Variants in PRKAA2 observed in about 807,000 individuals in gnomAD.
PRKAA2 encodes protein kinase AMP-activated catalytic subunit alpha 2, also known as 5'-AMP-activated protein kinase catalytic subunit alpha-2.
PRKAA2 carries 40 observed loss-of-function variants against 56.3 expected under a neutral mutation model. The ratio of observed to expected loss-of-function variants is 0.71; its 90% CI spans 0.55 to 0.92. The LOEUF is 0.92. PRKAA2 is among the 40% of genes least tolerant of loss of function. PRKAA2 has a pLI of 0.00. For missense variants in PRKAA2, 542 were observed against 686.9 expected (o/e 0.79, Z 2.36); for synonymous variants, 214 against 234.2 (o/e 0.91, Z 0.79).
At chr1:56,682,514 AGGAGT>A (rs1644162325) in intron 2 of PRKAA2, among the ~76,000 whole-genome samples, 1 of 152,206 alleles carries the variant, frequency 6.6e-6, no homozygotes, top group Non-Finnish European at 1.5e-5. Context: ...ATGTACTCTC[AGGAGT>A]GGAGTGAGGA....
intron 2 of PRKAA2, among the ~76,000 whole-genome samples, chr1:56,681,535 A>G (rs982765175): frequency 1.3e-5 from 2 of 152,182 alleles, no homozygotes; most frequent in African/African-American, 4.8e-5. Context: ...ATTTTTGTAT[A>G]AGGTGTAAGG....
chr1:56,680,244 T>C (rs1432375436), intron 2 of PRKAA2, among the ~76,000 whole-genome samples: 1 of 152,174 alleles, frequency 6.6e-6, no homozygotes, highest in East Asian at 1.9e-4. Flanking sequence ...AAGCACTCAA[T>C]GTTCACCTTT....
At chr1:56,696,889 T>C (rs1028147993) in intron 6 of PRKAA2, among the ~76,000 whole-genome samples, 7 of 152,116 alleles carry the variant, frequency 4.6e-5, no homozygotes, top group African/African-American at 1.7e-4. Context: ...CTATGACTTA[T>C]CAAGGCATGT....
At chr1:56,680,111 G>A (rs755229455) in intron 2 of PRKAA2, among the ~76,000 whole-genome samples, 12 of 152,108 alleles carry the variant, frequency 7.9e-5, no homozygotes, top group Admixed American at 3.9e-4. Flanking sequence ...AAAGTTAAAC[G>A]TGGATTTTTG....
rs190101219 is a variant in PRKAA2 at position 56,703,818 on chromosome 1, A to G, written c.789-153A>G. Among the ~76,000 whole-genome samples the G allele has an allele frequency of 2.8e-4, 43 of 152,324 alleles. 1 individual carries two copies. Among genetic ancestry groups the G allele is most frequent in the African/African-American group, 1.0e-3 (42 of 41,562 alleles). ...CATAGTTATTCAAGGGTGGTGGGTA[A>G]TTAACTTGCTCAGGATCACATAGCT... On this transcript the variant is annotated intron_variant, in intron 6 of 8. Coordinates refer to ENST00000371244, the MANE Select transcript of PRKAA2 (RefSeq NM_006252.4).
Position 56,704,315 on chromosome 1 carries a change from C to A in PRKAA2, c.1133C>A (p.Pro378His). The A allele has an allele frequency of 6.2e-7, 1 of 1,614,072 alleles. No individual in the cohort carries two copies. Among genetic ancestry groups the A allele is most frequent in the Non-Finnish European group, 8.5e-7 (1 of 1,180,010 alleles). Residue 378 changes from proline (P) to histidine (H), a missense_variant, in exon 7 of 9, where the codon CCC becomes CAC. Pro to His is a moderately conservative substitution (Grantham distance 77). Around this residue, in one of 5 missense-constraint regions of PRKAA2, gnomAD observed 198 missense variants for 234.0 expected, o/e 0.85. Coordinates refer to ENST00000371244, the MANE Select transcript of PRKAA2 (RefSeq NM_006252.4). ...ATGCCACCTCTTATAGCAGACAGCC[C>A]CAAAGCAAGATGTCCATTGGATGCA... ...ERMPPLIADS[P>H]KARCPLDALN...
intron 6 of PRKAA2, among the ~76,000 whole-genome samples, chr1:56,702,474 A>G (rs1407944920): frequency 6.6e-6 from 1 of 152,204 alleles, no homozygotes; most frequent in Admixed American, 6.5e-5. Flanking sequence ...TCTCTTTAAA[A>G]TCCTTCAATG....
Position 56,704,033 on chromosome 1 carries a change from A to C in PRKAA2, c.851A>C (p.Asp284Ala), listed in dbSNP as rs1478571313. ...TTATTTCCTGAAGACCCTTCCTATG[A>C]TGCTAACGTCATTGATGATGAGGCT... ...SYLFPEDPSY[D>A]ANVIDDEAVK... Residue 284 changes from aspartate (D) to alanine (A), a missense_variant, in exon 7 of 9, where the codon GAT (aspartate) becomes GCT (alanine). Asp to Ala is a moderately radical substitution (Grantham distance 126, BLOSUM62 -2). Transcript: ENST00000371244. 2 of 1,613,942 alleles carry C rather than the reference A, an allele frequency of 1.2e-6. No homozygotes were observed. The highest frequency in any genetic ancestry group is 1.7e-6 in the Non-Finnish European group (2 of 1,179,830).
rs564802603 is a variant in PRKAA2 at position 56,690,312 on chromosome 1, C to T, written c.237-1082C>T. Among the ~76,000 whole-genome samples the T allele has an allele frequency of 2.6e-3, 391 of 152,046 alleles. 1 individual carries two copies. Among genetic ancestry groups the T allele is most frequent in the Non-Finnish European group, 4.0e-3 (272 of 67,962 alleles). ...CCGAGTAGCTGGGACTACAGGTGCC[C>T]GCCACCATGCCCAGCTAATTTTTTG... On this transcript the variant is annotated intron_variant, in intron 2 of 8. Transcript: ENST00000371244.
intron 1 of PRKAA2, among the ~76,000 whole-genome samples, chr1:56,659,907 CTAAA>C (rs978411579): frequency 6.6e-6 from 1 of 151,966 alleles, no homozygotes; most frequent in Non-Finnish European, 1.5e-5. Context: ...GACCCTGTCT[CTAAA>C]TAAATAAATA....
chr1:56,664,855 TACACACACACAC>T (rs67041631), intron 1 of PRKAA2, among the ~76,000 whole-genome samples: 6 of 139,836 alleles, frequency 4.3e-5, no homozygotes, highest in East Asian at 2.2e-4. Context: ...AGTATATGTG[TACACACACACAC>T]ACACACACAC....
chr1:56,703,755 T>C (rs573947306), intron 6 of PRKAA2, among the ~76,000 whole-genome samples: 22 of 152,336 alleles, frequency 1.4e-4, no homozygotes, highest in African/African-American at 5.1e-4. Flanking sequence ...TTTTTTCATT[T>C]TTGAGAAAAT....
chr1:56,669,992 C>A (rs1644063642), intron 1 of PRKAA2, among the ~76,000 whole-genome samples: 1 of 152,074 alleles, frequency 6.6e-6, no homozygotes, highest in Admixed American at 6.6e-5. Context: ...TGGATTTTTC[C>A]CCTCTTAAAA....
At chr1:56,670,257 A>C (rs58146416) in intron 1 of PRKAA2, among the ~76,000 whole-genome samples, 3,705 of 152,318 alleles carry the variant, frequency 0.024, 94 homozygotes, top group East Asian at 0.11. Flanking sequence ...GCTTTGAGTG[A>C]CAGAAATATC....
chr1:56,657,035 A>T (rs1643949755), intron 1 of PRKAA2, among the ~76,000 whole-genome samples: 1 of 152,196 alleles, frequency 6.6e-6, no homozygotes, highest in East Asian at 1.9e-4. Flanking sequence ...GCCTCAAGCC[A>T]CAGATTCAGA....
chr1:56,691,843 A>C (rs1373491177), intron 3 of PRKAA2, among the ~76,000 whole-genome samples: 8 of 152,120 alleles, frequency 5.3e-5, no homozygotes, highest in Admixed American at 5.2e-4. Flanking sequence ...TAATAATATT[A>C]ATTGAAATTT....
chr1:56,645,420 G>A lies in PRKAA2; in HGVS notation c.33G>A (p.Val11=), dbSNP rs1426490355. ...AGAAGCAGAAGCACGACGGGCGGGTGAAGATCGGACACTACGTGCTGGGCG... is the reference window on the plus strand; with the variant it reads ...AGAAGCAGAAGCACGACGGGCGGGTAAAGATCGGACACTACGTGCTGGGCG... MAEKQKHDGR[V]KIGHYVLGDT... is the part of the protein sequence containing the mutation. Residue 11 remains valine (V), a synonymous_variant, in exon 1 of 9, where the codon GTG becomes GTA. Coordinates refer to ENST00000371244, the MANE Select transcript of PRKAA2 (RefSeq NM_006252.4). 6.6e-7 allele frequency: 1 copy of A among 1,516,496 alleles called. No homozygotes were observed. The highest frequency in any genetic ancestry group is 8.9e-7 in the Non-Finnish European group (1 of 1,127,086). 93.9% of individuals were successfully genotyped at this position (1,516,496 alleles called of 1,614,324 possible).
chr1:56,654,322 G>C (rs1297080461), intron 1 of PRKAA2, among the ~76,000 whole-genome samples: 4 of 152,044 alleles, frequency 2.6e-5, no homozygotes, highest in African/African-American at 9.7e-5. Context: ...ATTTGGTACT[G>C]CTTTGTAATA....
chr1:56,693,069 C>G (rs958905726), intron 4 of PRKAA2, among the ~76,000 whole-genome samples: 1 of 151,870 alleles, frequency 6.6e-6, no homozygotes, highest in Non-Finnish European at 1.5e-5. Context: ...GGAAAGGATG[C>G]CTTAATAGGG....
Sources: allele counts gnomAD v4.1 joint callset (sites outside exome capture counted in the v4.1 genomes callset), GRCh38; gene constraint gnomAD v4.1.1; regional missense constraint gnomAD v4.1.1; transcripts MANE v1.5; gene names NCBI Gene and HGNC (gene_info 2026-07-23, HGNC 2026-07-21).